The following LRRTM4 variants were observed in gnomAD, a reference collection of about 807,000 sequenced individuals.
LRRTM4 encodes the protein leucine rich repeat transmembrane neuronal 4.
In LRRTM4, 25 loss-of-function variants were observed where a neutral mutation model predicts 47.6. The ratio of observed to expected loss-of-function variants is 0.53; its 90% CI spans 0.38 to 0.73. The LOEUF (loss-of-function observed/expected upper bound fraction) is 0.73. Among genes scored for constraint, LRRTM4 ranks in the 30% least tolerant of loss-of-function variants. The pLI, the probability that LRRTM4 is intolerant of heterozygous loss-of-function variation, is 0.00. For missense variants in LRRTM4, 638 were observed against 713.4 expected (o/e 0.89, Z 1.20); for synonymous variants, 311 against 269.5 (o/e 1.15, Z -1.51).
chr2:77,237,087 T>C (rs2103981788), intron 3 of LRRTM4, among the ~76,000 whole-genome samples: 1 of 152,124 alleles, frequency 6.6e-6, no homozygotes, highest in Middle Eastern at 3.4e-3. Flanking sequence ...TTTTTTCTTT[T>C]GAATAGTTAC....
intron 3 of LRRTM4, among the ~76,000 whole-genome samples, chr2:77,478,001 C>T (rs1677505787): frequency 1.3e-5 from 2 of 151,786 alleles, no homozygotes; most frequent in East Asian, 1.9e-4. Context: ...GCAATTATTG[C>T]TAATTTCATC....
intron 3 of LRRTM4, among the ~76,000 whole-genome samples, chr2:77,061,055 T>C (rs1366709472): frequency 6.6e-6 from 1 of 151,870 alleles, no homozygotes; most frequent in Non-Finnish European, 1.5e-5. Flanking sequence ...ATTCCAGTCC[T>C]AGTTTTGCCA....
At chr2:76,836,936 A>G (rs1293677271) in intron 3 of LRRTM4, among the ~76,000 whole-genome samples, 1 of 152,124 alleles carries the variant, frequency 6.6e-6, no homozygotes, top group Admixed American at 6.6e-5. Context: ...TTTAGTTACT[A>G]CAGTTAATCA....
At chr2:77,193,807 A>C (rs189962267) in intron 3 of LRRTM4, among the ~76,000 whole-genome samples, 112 of 152,304 alleles carry the variant, frequency 7.4e-4, no homozygotes, top group Middle Eastern at 3.4e-3. Context: ...TTCAGTCACC[A>C]TGTGCAACTG....
At chr2:77,076,513 G>C (rs1307030821) in intron 3 of LRRTM4, among the ~76,000 whole-genome samples, 1 of 152,138 alleles carries the variant, frequency 6.6e-6, no homozygotes, top group Non-Finnish European at 1.5e-5. Context: ...TCACGATAAT[G>C]AGAAGGATAC....
intron 3 of LRRTM4, among the ~76,000 whole-genome samples, chr2:76,768,347 A>G (rs1673538815): frequency 2.0e-5 from 3 of 152,044 alleles, no homozygotes; most frequent in African/African-American, 7.2e-5. Flanking sequence ...AGTCTGGCCA[A>G]CACTGTGATA....
At chr2:77,280,723 G>A (rs1209097106) in intron 3 of LRRTM4, among the ~76,000 whole-genome samples, 1 of 151,988 alleles carries the variant, frequency 6.6e-6, no homozygotes, top group Non-Finnish European at 1.5e-5. Context: ...CATAGACTAT[G>A]AGAATTAAGA....
chr2:77,045,740 T>C (rs1573494734), intron 3 of LRRTM4, among the ~76,000 whole-genome samples: 1 of 152,000 alleles, frequency 6.6e-6, no homozygotes, highest in Admixed American at 6.6e-5. Context: ...CACATGGAAC[T>C]GTAAGTCCAA....
At chr2:76,941,581 T>A (rs1286568514) in intron 3 of LRRTM4, among the ~76,000 whole-genome samples, 1 of 152,042 alleles carries the variant, frequency 6.6e-6, no homozygotes, top group Non-Finnish European at 1.5e-5. Context: ...TTTTTGTTCC[T>A]GTTTTAGTTT....
At chr2:77,000,008 A>G (rs1677356376) in intron 3 of LRRTM4, among the ~76,000 whole-genome samples, 1 of 152,156 alleles carries the variant, frequency 6.6e-6, no homozygotes, top group Non-Finnish European at 1.5e-5. Flanking sequence ...AGAAAGCTGT[A>G]CAATAGACTG....
intron 3 of LRRTM4, among the ~76,000 whole-genome samples, chr2:77,477,137 G>A (rs1677431744): frequency 6.6e-6 from 1 of 152,040 alleles, no homozygotes; most frequent in South Asian, 2.1e-4. Context: ...ACAGAGTGTA[G>A]ACCATATAAG....
At chr2:76,904,009 T>C (rs1673734000) in intron 3 of LRRTM4, among the ~76,000 whole-genome samples, 1 of 152,214 alleles carries the variant, frequency 6.6e-6, no homozygotes, top group Admixed American at 6.5e-5. Context: ...AGTGAAAATG[T>C]TGAAAGCCCA....
At chr2:77,139,640 G>T (rs543232208) in intron 3 of LRRTM4, among the ~76,000 whole-genome samples, 1 of 151,498 alleles carries the variant, frequency 6.6e-6, no homozygotes, top group South Asian at 2.1e-4. Flanking sequence ...CAATCAGGCA[G>T]GAGAAATAAA....
intron 3 of LRRTM4, among the ~76,000 whole-genome samples, chr2:77,294,236 G>T (rs140064079): frequency 2.6e-5 from 4 of 151,696 alleles, no homozygotes; most frequent in Non-Finnish European, 5.9e-5. Flanking sequence ...TCAACTATTC[G>T]ATCAATAGTG....
chr2:76,814,246 A>G (rs952023924), intron 3 of LRRTM4, among the ~76,000 whole-genome samples: 6 of 152,080 alleles, frequency 3.9e-5, no homozygotes, highest in Non-Finnish European at 8.8e-5. Flanking sequence ...AATAAGATAT[A>G]AAGAAAGAAT....
chr2:77,300,838 C>T (rs1457305612), intron 3 of LRRTM4, among the ~76,000 whole-genome samples: 1 of 151,956 alleles, frequency 6.6e-6, no homozygotes, highest in African/African-American at 2.4e-5. Context: ...TTACTCTGTG[C>T]TGTTTCTTCA....
At chr2:77,085,397 G>A (rs891579908) in intron 3 of LRRTM4, among the ~76,000 whole-genome samples, 2 of 144,052 alleles carry the variant, frequency 1.4e-5, no homozygotes, top group African/African-American at 5.2e-5. Flanking sequence ...TTTTTTGCCT[G>A]TTTTAAGGAT....
At chr2:76,823,067 G>A (rs563664710) in intron 3 of LRRTM4, among the ~76,000 whole-genome samples, 1 of 151,410 alleles carries the variant, frequency 6.6e-6, no homozygotes, top group African/African-American at 2.4e-5. Context: ...CAGAAAATGA[G>A]AGAAGCAGAT....
chr2:77,356,338 G>A (rs1475444186), intron 3 of LRRTM4, among the ~76,000 whole-genome samples: 1 of 152,142 alleles, frequency 6.6e-6, no homozygotes, highest in Non-Finnish European at 1.5e-5. Context: ...GTATCTACTA[G>A]TGTGATGGTG....
Sources: allele counts gnomAD v4.1 joint callset (sites outside exome capture counted in the v4.1 genomes callset), GRCh38; gene constraint gnomAD v4.1.1; transcripts MANE v1.5; gene names NCBI Gene and HGNC (gene_info 2026-07-23, HGNC 2026-07-21).